The following SGMS1 variants were observed in gnomAD, a reference collection of about 807,000 sequenced individuals.
SGMS1 encodes the protein phosphatidylcholine:ceramide cholinephosphotransferase 1.
Under a neutral mutation model 46.2 loss-of-function variants are expected in SGMS1, and 13 were observed. The ratio of observed to expected loss-of-function variants is 0.28; its 90% CI spans 0.18 to 0.45. SGMS1 has a LOEUF of 0.45. Ranked by LOEUF, SGMS1 falls within the 20% of genes least tolerant of loss-of-function variation. The pLI is 1.00. For missense variants in SGMS1, 324 were observed against 519.9 expected (o/e 0.62, Z 3.66); for synonymous variants, 203 against 187.8 (o/e 1.08, Z -0.66).
intron 1 of SGMS1, chr10:50,590,745 C>T (rs1188381865): frequency 2.6e-5 from 4 of 152,152 alleles, no homozygotes; most frequent in Non-Finnish European, 4.4e-5. Flanking sequence ...GGTGAGAACA[C>T]ATAAGGTCTA....
chr10:50,314,435 C>T (rs1348661294), intron 8 of SGMS1, among the ~76,000 whole-genome samples: 1 of 152,184 alleles, frequency 6.6e-6, no homozygotes, highest in East Asian at 1.9e-4. Flanking sequence ...TTCTAAGCCT[C>T]GATTTCCTCA....
At chr10:50,407,173 C>T (rs1035857545) in intron 6 of SGMS1, among the ~76,000 whole-genome samples, 2 of 152,174 alleles carry the variant, frequency 1.3e-5, no homozygotes. Context: ...TAGCATTTTT[C>T]CAGTTCTGTC....
chr10:50,607,405 G>A (rs1255064373), intron 1 of SGMS1, among the ~76,000 whole-genome samples: 1 of 152,106 alleles, frequency 6.6e-6, no homozygotes, highest in African/African-American at 2.4e-5. Context: ...AAAACTGAGG[G>A]TACCTTGAGA....
At chr10:50,575,142 T>A (rs1362105208) in intron 2 of SGMS1, among the ~76,000 whole-genome samples, 1 of 151,866 alleles carries the variant, frequency 6.6e-6, no homozygotes, top group African/African-American at 2.4e-5. Context: ...CAGCTGTTGT[T>A]CTATAGATAT....
chr10:50,382,789 C>T (rs1848626466), intron 6 of SGMS1, among the ~76,000 whole-genome samples: 1 of 152,158 alleles, frequency 6.6e-6, no homozygotes, highest in Admixed American at 6.6e-5. Flanking sequence ...ATACGACTGT[C>T]ACTCTGGGCT....
At chr10:50,353,584 G>A (rs1219138915) in intron 6 of SGMS1, among the ~76,000 whole-genome samples, 2 of 152,294 alleles carry the variant, frequency 1.3e-5, no homozygotes, top group East Asian at 3.8e-4. Flanking sequence ...GGAAGTTCTG[G>A]CCAGGGCAAT....
In SGMS1 at chr10:50,314,304, G is replaced by C. The variant is rs944379105; in HGVS notation, c.742-2889C>G. On this transcript the variant is annotated intron_variant, in intron 8 of 10. Transcript: ENST00000361781. ...GAGGCTTGTTTAAATGGAGGGGATG[G>C]GGGGAAGCAGTGGCTGTCTCCAAAG... 3.3e-5 allele frequency among the ~76,000 whole-genome samples: 5 copies of C among 152,026 alleles called. No individual in the cohort carries two copies. The South Asian group carries it at 6.2e-4, about 19-fold the overall frequency.
rs750349777 is a variant in SGMS1, at chr10:50,458,339, CTTTTTTTTTTTTTTTTTTTTT to C, written c.-313+2313_-313+2333del. On this transcript the variant is annotated intron_variant, in intron 5 of 10. Transcript: ENST00000361781. ...TCTGGCTCTGCTATTTTCTTTTTCT[CTTTTTTTTTTTTTTTTTTTTT>C]TTTTTTTTTGTTTGAGGTGGAGTCT... 2.5e-3 allele frequency among the ~76,000 whole-genome samples: 240 copies of C among 97,162 alleles called. 3 individuals carry two copies. Among genetic ancestry groups the C allele is most frequent in the East Asian group, 8.1e-3 (27 of 3,334 alleles). The allele number at this position is 97,162 out of a possible 152,430, so 63.7% of individuals were successfully genotyped here.
intron 2 of SGMS1, among the ~76,000 whole-genome samples, chr10:50,520,900 TC>T (rs1214372979): frequency 5.3e-5 from 8 of 152,106 alleles, no homozygotes; most frequent in African/African-American, 1.9e-4. Context: ...TGTTTTATTT[TC>T]TTTTTTTTTT....
chr10:50,418,206 G>C (rs951411730), intron 6 of SGMS1: 3 of 152,154 alleles, frequency 2.0e-5, no homozygotes, highest in Non-Finnish European at 4.4e-5. Flanking sequence ...CAGACCCCGG[G>C]CGCGGCTCTT....
At chr10:50,356,422 A>G (rs1358732203) in intron 6 of SGMS1, among the ~76,000 whole-genome samples, 1 of 152,210 alleles carries the variant, frequency 6.6e-6, no homozygotes, top group African/African-American at 2.4e-5. Flanking sequence ...AACACTGCGG[A>G]AGGCGGAAGG....
chr10:50,384,335 CAGAT>C (rs1469932889), intron 6 of SGMS1, among the ~76,000 whole-genome samples: 1 of 152,098 alleles, frequency 6.6e-6, no homozygotes, highest in Non-Finnish European at 1.5e-5. Context: ...ATATCAACCT[CAGAT>C]AGATTTTTAA....
intron 2 of SGMS1, among the ~76,000 whole-genome samples, chr10:50,567,961 G>A (rs894215875): frequency 2.6e-5 from 4 of 151,994 alleles, no homozygotes; most frequent in Admixed American, 1.3e-4. Context: ...ACAAAATATT[G>A]TTTTGCCTCT....
intron 5 of SGMS1, among the ~76,000 whole-genome samples, chr10:50,456,356 A>G (rs1000553884): frequency 1.3e-5 from 2 of 152,086 alleles, no homozygotes; most frequent in African/African-American, 2.4e-5. Context: ...CTCACATGAC[A>G]CTATGGAATC....
At chr10:50,472,126 T>C (rs1381674555) in intron 3 of SGMS1, among the ~76,000 whole-genome samples, 1 of 152,194 alleles carries the variant, frequency 6.6e-6, no homozygotes, top group Non-Finnish European at 1.5e-5. Flanking sequence ...TTATGGAGTA[T>C]AATGTGATGT....
intron 8 of SGMS1, among the ~76,000 whole-genome samples, chr10:50,322,348 G>T (rs1476296023): frequency 6.6e-6 from 1 of 152,182 alleles, no homozygotes; most frequent in African/African-American, 2.4e-5. Context: ...ATGAAAATGA[G>T]AGTCGAAAAC....
chr10:50,591,228 G>T (rs148087619), intron 1 of SGMS1, among the ~76,000 whole-genome samples: 1 of 152,134 alleles, frequency 6.6e-6, no homozygotes, highest in East Asian at 1.9e-4. Context: ...GCAGCTAAGC[G>T]TCAGAGATGA....
intron 6 of SGMS1, among the ~76,000 whole-genome samples, chr10:50,427,676 C>T (rs1029164224): frequency 6.6e-6 from 1 of 152,114 alleles, no homozygotes; most frequent in Non-Finnish European, 1.5e-5. Context: ...AAAGCACACC[C>T]TTTATCAGCA....
At chr10:50,309,851 T>A (rs915246346) in intron 9 of SGMS1, among the ~76,000 whole-genome samples, 3 of 152,202 alleles carry the variant, frequency 2.0e-5, no homozygotes, top group Admixed American at 1.3e-4. Context: ...CATCCTGTTA[T>A]CTGCTGACTC....
Sources: gnomAD v4.1 joint callset for allele counts (sites outside exome capture counted in the v4.1 genomes callset) on GRCh38, gnomAD v4.1.1 for gene constraint, MANE v1.5 for transcripts, NCBI Gene and HGNC (gene_info 2026-07-23, HGNC 2026-07-21) for gene names.